Variants in AHNAK observed in about 807,000 individuals in gnomAD.
The protein encoded by AHNAK is neuroblast differentiation-associated protein AHNAK.
In AHNAK, 23 loss-of-function variants were observed where a neutral mutation model predicts 37.8. The ratio of observed to expected loss-of-function variants is 0.61; its 90% CI spans 0.44 to 0.86. The LOEUF is 0.86. AHNAK is among the 40% of genes least tolerant of loss of function. The probability of loss-of-function intolerance (pLI) is 0.00; values close to 1 mark genes in which losing one functional copy is unlikely to be tolerated. For missense variants in AHNAK, 7,411 were observed against 7,319.4 expected (o/e 1.01, Z -0.46); for synonymous variants, 2,481 against 2,636.3 (o/e 0.94, Z 1.80).
chr11:62,482,977 A>G lies in AHNAK; in HGVS notation c.442+8755T>C, dbSNP rs139607421. On this transcript the variant is annotated intron_variant, in intron 5 of 5. Coordinates refer to the AHNAK transcript ENST00000257247. ...AGACAGGGCAAACTATCAGGAACAC[A>G]AAGACACACAAAAACGTCCACAGGA... Among the ~76,000 whole-genome samples, 592 of 152,332 alleles carry G rather than the reference A, an allele frequency of 3.9e-3. 5 individuals carry two copies. Among genetic ancestry groups the G allele is most frequent in the African/African-American group, 0.013 (543 of 41,570 alleles).
At chr11:62,459,083 C>T (rs527629971) in intron 5 of AHNAK, among the ~76,000 whole-genome samples, 12 of 152,196 alleles carry the variant, frequency 7.9e-5, no homozygotes, top group Admixed American at 6.5e-4. Flanking sequence ...GCTGGTCACC[C>T]CAGCACCTCT....
At chr11:62,500,459 A>G (rs1186534754) in intron 4 of AHNAK, among the ~76,000 whole-genome samples, 1 of 152,140 alleles carries the variant, frequency 6.6e-6, no homozygotes, top group African/African-American at 2.4e-5. Context: ...CATGTGTGCT[A>G]CAGAACACTA....
intron 5 of AHNAK, among the ~76,000 whole-genome samples, chr11:62,482,587 G>A (rs539436837): frequency 2.6e-5 from 4 of 152,172 alleles, no homozygotes; most frequent in South Asian, 2.1e-4. Context: ...GAGAGCTACC[G>A]TGAGGATGAA....
rs369377667 is a variant in AHNAK at position 62,530,208 on chromosome 11, A to G, written c.4209T>C (p.Asp1403=). The G allele has an allele frequency of 2.5e-6, 4 of 1,611,700 alleles. No individual in the cohort carries two copies. The highest frequency in any genetic ancestry group is 3.4e-6 in the Non-Finnish European group (4 of 1,179,540). Residue 1403 remains aspartate, a synonymous_variant, in exon 5 of 5, where the codon GAT becomes GAC. Coordinates refer to ENST00000378024, the MANE Select transcript of AHNAK (RefSeq NM_001620.3). ...PGFKGEGPEV[D]VKLPKADVDV... ...CAACGTCAGCTTTGGGCAGCTTCACATCCACTTCAGGGCCCTCTCCTTTGA... is the reference window on the plus strand; with the variant it reads ...CAACGTCAGCTTTGGGCAGCTTCACGTCCACTTCAGGGCCCTCTCCTTTGA...
rs760850593 is a variant in AHNAK, at chr11:62,525,368, C to A, written c.9049G>T (p.Asp3017Tyr). The A allele has an allele frequency of 2.5e-6, 4 of 1,613,178 alleles. No homozygotes were observed. Among genetic ancestry groups the A allele is most frequent in the Non-Finnish European group, 8.5e-7 (1 of 1,179,834 alleles). ...ACTTTGGGCATTTTTAGGTGCCAGT[C>A]TGGGCCTTGAACGCCCACATCCGGG... ...DVPDVGVQGP[D>Y]WHLKMPKVKM... The change falls in exon 5 of 5, where the codon GAC becomes TAC. Residue 3017 changes from aspartate to tyrosine, a missense_variant. Coordinates refer to ENST00000378024, the MANE Select transcript of AHNAK (RefSeq NM_001620.3).
chr11:62,453,470 C>G (rs1050049357), intron 5 of AHNAK, among the ~76,000 whole-genome samples: 1 of 152,110 alleles, frequency 6.6e-6, no homozygotes, highest in African/African-American at 2.4e-5. Context: ...CATGACAACT[C>G]AGAGATAAGG....
chr11:62,488,402 C>CT (rs11310515), intron 5 of AHNAK, among the ~76,000 whole-genome samples: 60 of 143,900 alleles, frequency 4.2e-4, no homozygotes, highest in East Asian at 6.0e-4. Context: ...ATCTGTCTAG[C>CT]TTTTTTTTTT....
intron 5 of AHNAK, among the ~76,000 whole-genome samples, chr11:62,435,634 C>T (rs1031319148): frequency 3.9e-5 from 6 of 152,094 alleles, no homozygotes; most frequent in African/African-American, 9.7e-5. Context: ...AGGATGGTCT[C>T]GATCTCCTGA....
At chr11:62,499,564 A>G (rs1363526178) in intron 4 of AHNAK, among the ~76,000 whole-genome samples, 2 of 151,968 alleles carry the variant, frequency 1.3e-5, no homozygotes, top group Non-Finnish European at 2.9e-5. Flanking sequence ...AAAACAAAAA[A>G]CCAGCCGCAC....
intron 5 of AHNAK, among the ~76,000 whole-genome samples, chr11:62,454,424 A>AAAAAG (rs1233975076): frequency 2.0e-4 from 26 of 132,966 alleles, no homozygotes; most frequent in African/African-American, 5.6e-4. Flanking sequence ...AAAAAAAAAA[A>AAAAAG]AAAAGAAAAG....
At position 62,481,845 on chromosome 11, in the gene AHNAK, G is replaced by A. The variant is rs142765328; in HGVS notation, c.442+9887C>T. On this transcript the variant is annotated intron_variant, in intron 5 of 5. Coordinates refer to the AHNAK transcript ENST00000257247. ...CTCCCAAAGTGCTGGGATTACAGGC[G>A]TGAACCACCGCGCCTGGCCCTTCAA... Among the ~76,000 whole-genome samples, 433 of 152,166 alleles carry A rather than the reference G, an allele frequency of 2.8e-3. 2 individuals carry two copies. Among genetic ancestry groups the A allele is most frequent in the African/African-American group, 9.9e-3 (410 of 41,518 alleles).
rs747482960 is a variant in AHNAK at position 62,518,592 on chromosome 11, C to T, written c.15825G>A (p.Gly5275=). The part of the protein sequence containing the change: ...DLRGPDVKLE[G]PDVSLKGPGV... ...CTGGCCCCTTTAGAGAAACATCGGG[C>T]CCTTCGAGCTTAACATCTGGTCCTC... Residue 5275 remains glycine, a synonymous_variant, in exon 5 of 5, where the codon GGG becomes GGA. Coordinates refer to ENST00000378024, the MANE Select transcript of AHNAK (RefSeq NM_001620.3). 6.2e-7 allele frequency: 1 copy of T among 1,614,192 alleles called. No individual in the cohort carries two copies. Among genetic ancestry groups the T allele is most frequent in the African/African-American group, 1.3e-5 (1 of 75,042 alleles).
In AHNAK at chr11:62,517,764, T is replaced by C. The variant is rs371564701; in HGVS notation, c.16653A>G (p.Ala5551=). The change falls in exon 5 of 5, where the codon GCA becomes GCG. Residue 5551 remains alanine, a synonymous_variant. Transcript: ENST00000378024. ...TGATGCCAAAATCTGACTCAGGAGA[T>C]GCCATATTAAAGGCAGGCCCCTTCA... is the stretch of plus-strand genomic sequence containing the variant. ...ISVKGPAFNM[A]SPESDFGINL... 42 of 1,614,176 alleles carry C rather than the reference T, an allele frequency of 2.6e-5. No homozygotes were observed. The African/African-American group carries it at 4.9e-4, about 19-fold the overall frequency.
At chr11:62,491,762 C>G (rs368468592) in exon 5 of AHNAK, 1 of 1,612,672 alleles carries the variant, frequency 6.2e-7, no homozygotes, top group South Asian at 1.1e-5. Flanking sequence ...GAAACTGCCC[C>G]GGCTTGGCTG....
downstream of AHNAK, among the ~76,000 whole-genome samples, chr11:62,515,441 CAGG>C (rs1314583189): frequency 6.6e-6 from 1 of 152,188 alleles, no homozygotes; most frequent in Non-Finnish European, 1.5e-5. Context: ...CGCTTGAACC[CAGG>C]AGGAGGAGGT....
chr11:62,435,429 T>G (rs972381139), intron 5 of AHNAK, among the ~76,000 whole-genome samples: 2 of 152,182 alleles, frequency 1.3e-5, no homozygotes, highest in African/African-American at 4.8e-5. Context: ...TTTTTTCTTT[T>G]TGAGACGGAG....
rs1284798369 is a variant in AHNAK at position 62,533,068 on chromosome 11, C to T, written c.1349G>A (p.Gly450Glu). Residue 450 changes from glycine (G) to glutamate (E), a missense_variant, in exon 5 of 5, where the codon GGG (glycine) becomes GAG (glutamate). Gly to Glu is a moderately conservative substitution (Grantham distance 98). Transcript: ENST00000378024. The part of the protein sequence containing the change: ...SVSGAKGEET[G>E]IDVTLPTGEV... The stretch of plus-strand genomic sequence containing the variant: ...ACCTGTAGGCAGTGTCACATCAATC[C>T]CAGTTTCCTCTCCCTTTGCACCTGA... 2.5e-6 allele frequency: 4 copies of T among 1,608,646 alleles called. No homozygotes were observed. In the African/African-American group the frequency reaches 5.4e-5, roughly 22 times the overall value.
chr11:62,523,370 G>A lies in AHNAK; in HGVS notation c.11047C>T (p.Pro3683Ser). ...ACAACCACATCACCCTTCATTTTGGGTCCCTTCAAGTTCAGGTCAAAGTCA... is the reference window on the plus strand; with the variant it reads ...ACAACCACATCACCCTTCATTTTGGATCCCTTCAAGTTCAGGTCAAAGTCA... Reference protein sequence around the residue: ...MPDFDLNLKGPKMKGDVVVSL... With the variant: ...MPDFDLNLKGSKMKGDVVVSL... The change falls in exon 5 of 5, where the codon CCC becomes TCC. Residue 3683 changes from proline to serine, a missense_variant. Physicochemically the swap from Pro to Ser is moderately conservative, Grantham distance 74. Coordinates refer to ENST00000378024, the MANE Select transcript of AHNAK (RefSeq NM_001620.3). The A allele has an allele frequency of 6.2e-7, 1 of 1,612,528 alleles. No homozygotes were observed. Among genetic ancestry groups the A allele is most frequent in the East Asian group, 2.2e-5 (1 of 44,832 alleles).
chr11:62,527,371 T>A lies in AHNAK; in HGVS notation c.7046A>T (p.Lys2349Ile), dbSNP rs139274455. The change falls in exon 5 of 5, where the codon AAA becomes ATA. Residue 2349 changes from lysine to isoleucine, a missense_variant. Physicochemically the swap from Lys to Ile is moderately radical, Grantham distance 102. Coordinates refer to ENST00000378024, the MANE Select transcript of AHNAK (RefSeq NM_001620.3). Reference sequence around the variant, plus strand: ...CATGTCAGCATCTAATTTGGGACCTTTGACATCCAATTCTGGACCTTTTAA... The same window carrying A: ...CATGTCAGCATCTAATTTGGGACCTATGACATCCAATTCTGGACCTTTTAA... ...GELKGPELDV[K>I]GPKLDADMPE... 1.2e-6 allele frequency: 2 copies of A among 1,614,054 alleles called. No homozygotes were observed. Among genetic ancestry groups the A allele is most frequent in the African/African-American group, 2.7e-5 (2 of 74,920 alleles).
Sources: gnomAD v4.1 joint callset for allele counts (sites outside exome capture counted in the v4.1 genomes callset) on GRCh38, gnomAD v4.1.1 for gene constraint, MANE v1.5 for transcripts, NCBI Gene and HGNC (gene_info 2026-07-23, HGNC 2026-07-21) for gene names.